The following SPEN variants were observed in gnomAD, a reference collection of about 807,000 sequenced individuals.
SPEN encodes the protein msx2-interacting protein.
SPEN carries 18 observed loss-of-function variants against 269.9 expected under a neutral mutation model. That is an observed-to-expected ratio of 0.07 (90% CI 0.05 to 0.10). The LOEUF (loss-of-function observed/expected upper bound fraction) is 0.10. SPEN is among the 10% of genes least tolerant of loss of function. The probability of loss-of-function intolerance (pLI) is 1.00; values close to 1 mark genes in which losing one functional copy is unlikely to be tolerated. For missense variants in SPEN, 3,822 were observed against 4,631.2 expected, an observed-to-expected ratio of 0.83 and a Z score of 5.07; for synonymous variants, 1,726 against 1,765.7, an observed-to-expected ratio of 0.98 and a Z score of 0.56.
At chr1:15,857,952 A>C (rs904475773) in intron 1 of SPEN, among the ~76,000 whole-genome samples, 1 of 152,084 alleles carries the variant, frequency 6.6e-6, no homozygotes, top group African/African-American at 2.4e-5. Flanking sequence ...ACATAGTGAA[A>C]TCCTGTGTCT....
chr1:15,890,144 C>G (rs2070775009), intron 3 of SPEN, among the ~76,000 whole-genome samples: 1 of 152,190 alleles, frequency 6.6e-6, no homozygotes, highest in Admixed American at 6.5e-5. Context: ...CACTCATCCT[C>G]TAAAAACTTT....
intron 1 of SPEN, among the ~76,000 whole-genome samples, chr1:15,863,767 G>A (rs963285791): frequency 6.6e-6 from 1 of 152,162 alleles, no homozygotes; most frequent in East Asian, 1.9e-4. Flanking sequence ...CTTGAGCCTG[G>A]GAGGTTGAGG....
intron 1 of SPEN, 99 bp from the exon 2 acceptor site, chr1:15,872,717 C>A: frequency 3.6e-6 from 3 of 822,006 alleles, no homozygotes; most frequent in Non-Finnish European, 5.3e-6. Flanking sequence ...GCAGGTCGTC[C>A]CTCCTACATA....
intron 10 of SPEN, among the ~76,000 whole-genome samples, chr1:15,923,876 G>T (rs554413513): frequency 1.4e-4 from 22 of 152,178 alleles, no homozygotes; most frequent in Non-Finnish European, 2.9e-4. Context: ...CACCATATTG[G>T]TCAGGCTGGT....
chr1:15,903,257 T>G (rs1028400918), intron 3 of SPEN, among the ~76,000 whole-genome samples: 5 of 152,236 alleles, frequency 3.3e-5, no homozygotes, highest in African/African-American at 1.2e-4. Flanking sequence ...AGAATTGTTA[T>G]GTAACCAGTT....
chr1:15,895,741 C>T (rs1287051725), intron 3 of SPEN, among the ~76,000 whole-genome samples: 1 of 144,752 alleles, frequency 6.9e-6, no homozygotes, highest in Non-Finnish European at 1.5e-5. Flanking sequence ...AGTGCAGTGG[C>T]ATGATCTCGG....
chr1:15,932,775 G>A lies in SPEN; in HGVS notation c.6535G>A (p.Ala2179Thr), dbSNP rs774668447. ...MELEQAVEHI[A>T]KLAEASASAA... ...GCTGGAGCAGGCCGTGGAACACATCGCAAAGCTCGCTGAGGCCTCTGCCTC... is the reference window on the plus strand; with the variant it reads ...GCTGGAGCAGGCCGTGGAACACATCACAAAGCTCGCTGAGGCCTCTGCCTC... The change falls in exon 11 of 15, where the codon GCA (alanine) becomes ACA (threonine). Residue 2179 changes from alanine to threonine, a missense_variant. Ala to Thr is a moderately conservative substitution (Grantham distance 58, BLOSUM62 0). Coordinates refer to ENST00000375759, the MANE Select transcript of SPEN (RefSeq NM_015001.3). This position sits in a 1 kb window ranked among gnomAD's most constrained non-coding sequence, Gnocchi z 4.2. The A allele has an allele frequency of 1.5e-5, 25 of 1,614,058 alleles. No individual in the cohort carries two copies. Among genetic ancestry groups the A allele is most frequent in the Admixed American group, 3.3e-5 (2 of 60,008 alleles).
At chr1:15,911,930 C>T (rs1370229043) in intron 5 of SPEN, among the ~76,000 whole-genome samples, 2 of 152,176 alleles carry the variant, frequency 1.3e-5, no homozygotes, top group African/African-American at 2.4e-5. Context: ...CACTGCACTC[C>T]AGCCTGGGCA....
At chr1:15,861,273 A>G (rs2070445733) in intron 1 of SPEN, among the ~76,000 whole-genome samples, 1 of 151,718 alleles carries the variant, frequency 6.6e-6, no homozygotes, top group Non-Finnish European at 1.5e-5. Context: ...CTAGGACTAT[A>G]GGCACATGCC....
intron 10 of SPEN, among the ~76,000 whole-genome samples, chr1:15,927,067 A>G (rs140059295): frequency 2.6e-5 from 4 of 152,350 alleles, no homozygotes; most frequent in African/African-American, 9.6e-5. Flanking sequence ...ACATGAGAGA[A>G]CAAACATTGC....
In SPEN at chr1:15,937,373, C is replaced by G. The variant is rs1339546186; in HGVS notation, c.10237C>G (p.Pro3413Ala). 1 of 1,613,874 alleles carries G rather than the reference C, an allele frequency of 6.2e-7. No homozygotes were observed. The highest frequency in any genetic ancestry group is 2.2e-5 in the East Asian group (1 of 44,878). The change falls in exon 12 of 15, where the codon CCT becomes GCT. Residue 3413 changes from proline (P) to alanine (A), a missense_variant. Pro to Ala is a conservative substitution (Grantham distance 27). Coordinates refer to ENST00000375759, the MANE Select transcript of SPEN (RefSeq NM_015001.3). This position sits in a 1 kb window ranked among gnomAD's most constrained non-coding sequence, Gnocchi z 5.7. Reference protein sequence around the residue: ...RLPAGPANRPPEPHTQVQRAQ... With the variant: ...RLPAGPANRPAEPHTQVQRAQ... ...CCCAGCTGGACCTGCAAACAGGCCA[C>G]CTGAGCCTCACACCCAGGTTCAGAG...
intron 3 of SPEN, among the ~76,000 whole-genome samples, chr1:15,884,837 G>A (rs572584371): frequency 4.4e-4 from 67 of 151,692 alleles, no homozygotes; most frequent in Non-Finnish European, 5.9e-5. Context: ...AGGTTCAAGC[G>A]ATTCTCCTGC....
At position 15,934,274 on chromosome 1, in the gene SPEN, A is replaced by C; in HGVS notation, c.8034A>C (p.Thr2678=). Residue 2678 remains threonine, a synonymous_variant, in exon 11 of 15, where the codon ACA becomes ACC. Coordinates refer to ENST00000375759, the MANE Select transcript of SPEN (RefSeq NM_015001.3). This position sits in a 1 kb window ranked among gnomAD's most constrained non-coding sequence, Gnocchi z 9.2. ...GCCCCGTGAAGGGCTCAGTGACCAC[A>C]CTGAAAAGTTTGGTGAGCACCCCTG... ...LKGPVKGSVT[T]LKSLVSTPAG... 6.2e-7 allele frequency: 1 copy of C among 1,614,174 alleles called. No individual in the cohort carries two copies.
chr1:15,848,254 C>A lies in SPEN; in HGVS notation c.83+104C>A. On this transcript the variant is annotated intron_variant, in intron 1 of 14. Transcript: ENST00000375759. This position sits in a 1 kb window ranked among gnomAD's most constrained non-coding sequence, Gnocchi z 5.1. ...GAGCGCGGAGCTGGTGAGGAGGACT[C>A]CGGCCCGGACCCACGGGCGCTGTGG... 1.4e-6 allele frequency: 1 copy of A among 703,152 alleles called. No individual in the cohort carries two copies. The highest frequency in any genetic ancestry group is 2.0e-6 in the Non-Finnish European group (1 of 489,216). 43.6% of individuals were successfully genotyped at this position (703,152 alleles called of 1,614,324 possible).
chr1:15,894,536 GTTTTTT>G (rs766111268), intron 3 of SPEN, among the ~76,000 whole-genome samples: 2 of 100,380 alleles, frequency 2.0e-5, no homozygotes, highest in African/African-American at 8.4e-5. Flanking sequence ...TATTATGGTT[GTTTTTT>G]TTTTTTTTTT....
At chr1:15,902,126 G>A (rs867139574) in intron 3 of SPEN, among the ~76,000 whole-genome samples, 2 of 151,804 alleles carry the variant, frequency 1.3e-5, no homozygotes, top group Non-Finnish European at 2.9e-5. Flanking sequence ...TTAGGGTTTC[G>A]CCATGTTGGC....
chr1:15,848,139 G>C lies in SPEN; in HGVS notation c.72G>C (p.Glu24Asp), dbSNP rs1319561958. ...PENVREEKIIEHFKRYGRVES... is the reference protein window; with the variant it reads ...PENVREEKIIDHFKRYGRVES... ...ACGTGCGGGAAGAGAAGATCATCGA[G>C]CATTTCAAACGGTGAGTGACACGAG... The change falls in exon 1 of 15, where the codon GAG becomes GAC. Residue 24 changes from glutamate (E) to aspartate (D), a missense_variant. Physicochemically the swap from Glu to Asp is conservative, Grantham distance 45. Transcript: ENST00000375759. The surrounding 1 kb of genome is among the most constrained non-coding windows in gnomAD (Gnocchi z 5.1). The C allele has an allele frequency of 1.3e-6, 2 of 1,494,110 alleles. No individual in the cohort carries two copies. Among genetic ancestry groups the C allele is most frequent in the East Asian group, 2.8e-5 (1 of 35,842 alleles). 92.6% of individuals were successfully genotyped at this position (1,494,110 alleles called of 1,614,324 possible).
chr1:15,854,451 T>A (rs570098665), intron 1 of SPEN, among the ~76,000 whole-genome samples: 1 of 152,296 alleles, frequency 6.6e-6, no homozygotes, highest in Admixed American at 6.5e-5. Flanking sequence ...TGGAAACCAA[T>A]TAGAATGTTA....
chr1:15,932,578 A>G lies in SPEN; in HGVS notation c.6338A>G (p.Glu2113Gly). Residue 2113 changes from glutamate to glycine, a missense_variant, in exon 11 of 15, where the codon GAA (glutamate) becomes GGA (glycine). By Grantham distance (98) the Glu-to-Gly change is moderately conservative (BLOSUM62 -2). Around this residue, in one of 16 missense-constraint regions of SPEN, gnomAD observed 727 missense variants for 737.9 expected, o/e 0.99. Transcript: ENST00000375759. The surrounding 1 kb of genome is among the most constrained non-coding windows in gnomAD (Gnocchi z 4.2). ...RGAAAQAGER[E>G]SGVVAVSPEK... ...GCTGCAGCACAGGCAGGGGAGAGGG[A>G]ATCTGGGGTGGTGGCAGTCTCCCCT... 6.2e-7 allele frequency: 1 copy of G among 1,602,894 alleles called. No homozygotes were observed. The highest frequency in any genetic ancestry group is 8.5e-7 in the Non-Finnish European group (1 of 1,173,208).
Sources: allele counts gnomAD v4.1 joint callset (sites outside exome capture counted in the v4.1 genomes callset), GRCh38; gene constraint gnomAD v4.1.1; regional missense constraint gnomAD v4.1.1; non-coding constraint Gnocchi (gnomAD v3.1); transcripts MANE v1.5; gene names NCBI Gene and HGNC (gene_info 2026-07-23, HGNC 2026-07-21).